KALRN: variants seen among roughly 807,000 people sequenced by gnomAD.
The protein encoded by KALRN is kalirin RhoGEF kinase.
In KALRN, 70 loss-of-function variants were observed where a neutral mutation model predicts 353.7. That is an observed-to-expected ratio of 0.20 (90% CI 0.16 to 0.24). KALRN has a LOEUF of 0.24. KALRN is among the 10% of genes least tolerant of loss of function. The pLI is 1.00. For synonymous variants in KALRN, 1,391 were observed against 1,434.8 expected (o/e 0.97, Z 0.69); for missense variants, 2,791 against 3,756.7 (o/e 0.74, Z 6.72).
intron 9 of KALRN, among the ~76,000 whole-genome samples, chr3:124,336,067 G>A (rs539152035): frequency 6.6e-6 from 1 of 152,218 alleles, no homozygotes; most frequent in South Asian, 2.1e-4. Context: ...CTGAATAGGG[G>A]GATAGTCACT....
intron 34 of KALRN, among the ~76,000 whole-genome samples, chr3:124,607,088 G>T (rs1377661902): frequency 1.3e-5 from 2 of 152,198 alleles, no homozygotes; most frequent in Non-Finnish European, 2.9e-5. Context: ...CCTAAAGAAG[G>T]TCTCCATTTG....
intron 57 of KALRN, among the ~76,000 whole-genome samples, chr3:124,711,979 T>C (rs1291496936): frequency 6.6e-6 from 1 of 152,212 alleles, no homozygotes; most frequent in Non-Finnish European, 1.5e-5. Context: ...TTTAAAATCT[T>C]TTTAATGAGA....
intron 32 of KALRN, among the ~76,000 whole-genome samples, chr3:124,493,337 G>A (rs1451961129): frequency 1.3e-5 from 2 of 152,156 alleles, no homozygotes; most frequent in Non-Finnish European, 2.9e-5. Flanking sequence ...TGGTTTCATT[G>A]CAGGTCTTAC....
intron 10 of KALRN, among the ~76,000 whole-genome samples, chr3:124,364,869 G>A (rs140744745): frequency 1.3e-5 from 2 of 152,302 alleles, no homozygotes; most frequent in East Asian, 3.9e-4. Flanking sequence ...AGACACTTCT[G>A]CTGTGCTCCC....
chr3:124,659,075 GA>G (rs67118806), intron 42 of KALRN, among the ~76,000 whole-genome samples: 18,735 of 152,182 alleles, frequency 0.12, 1,251 homozygotes, highest in African/African-American at 0.16. Context: ...AAGTGGTGGA[GA>G]GAATAAGGCC....
chr3:124,243,406 C>T (rs1463339546), intron 3 of KALRN, among the ~76,000 whole-genome samples: 2 of 152,140 alleles, frequency 1.3e-5, no homozygotes, highest in African/African-American at 4.8e-5. Context: ...CAATCAGAGG[C>T]GGAAACCACT....
rs2063320613 is a variant in KALRN, at chr3:124,492,902, C to T, written c.4832+20C>T. ...TAAGAGGTAACCAGCACCTCTCCCT[C>T]CAGCACTGCCTGCCTCACAGGCTTC... On this transcript the variant is annotated intron_variant, in intron 32 of 59. Coordinates refer to ENST00000682506, the MANE Select transcript of KALRN (RefSeq NM_001388419.1). The T allele has an allele frequency of 6.2e-7, 1 of 1,610,370 alleles. No individual in the cohort carries two copies. The highest frequency in any genetic ancestry group is 1.7e-5 in the Admixed American group (1 of 59,860).
intron 10 of KALRN, among the ~76,000 whole-genome samples, chr3:124,382,866 C>T (rs1154800): frequency 0.045 from 6,916 of 152,174 alleles, 525 homozygotes; most frequent in African/African-American, 0.15. Context: ...GAGGTCTACC[C>T]TTGCCTGTCA....
At chr3:124,046,758 A>G (rs1208107503) in intron 1 of KALRN, among the ~76,000 whole-genome samples, 1 of 152,186 alleles carries the variant, frequency 6.6e-6, no homozygotes, top group Non-Finnish European at 1.5e-5. Flanking sequence ...GGCCTTTTGG[A>G]GGCCCTACTT....
chr3:124,145,975 G>A (rs2067273480), intron 1 of KALRN, among the ~76,000 whole-genome samples: 2 of 152,184 alleles, frequency 1.3e-5, no homozygotes, highest in African/African-American at 2.4e-5. Flanking sequence ...ATCATGGAAA[G>A]GTAAAAGTAA....
At chr3:124,539,232 T>C (rs543961771) in intron 33 of KALRN, among the ~76,000 whole-genome samples, 2 of 152,294 alleles carry the variant, frequency 1.3e-5, no homozygotes, top group African/African-American at 4.8e-5. Context: ...CTTACCACCC[T>C]GTTTCAGGGA....
chr3:124,567,177 G>A (rs1434021774), intron 34 of KALRN, among the ~76,000 whole-genome samples: 2 of 152,198 alleles, frequency 1.3e-5, no homozygotes, highest in Non-Finnish European at 1.5e-5. Context: ...CTGAGGGTCA[G>A]TATTTTTAAG....
In KALRN at chr3:124,667,148, A is replaced by G. The variant is rs758868856; in HGVS notation, c.6668A>G (p.Asn2223Ser). The G allele has an allele frequency of 3.7e-6, 6 of 1,614,052 alleles. No homozygotes were observed. In the African/African-American group the frequency reaches 5.3e-5, roughly 14 times the overall value. Residue 2223 changes from asparagine to serine, a missense_variant, in exon 47 of 60, where the codon AAT (asparagine) becomes AGT (serine). Transcript: ENST00000682506. ...CAGCAGGCCTGGGTGCAGGACATCA[A>G]TCAAGTCTTAGAAACACAGCGAGAC... ...DIQQAWVQDINQVLETQRDFL... is the reference protein window; with the variant it reads ...DIQQAWVQDISQVLETQRDFL...
At chr3:124,499,686 T>C (rs1247451675) in intron 33 of KALRN, among the ~76,000 whole-genome samples, 1 of 152,218 alleles carries the variant, frequency 6.6e-6, no homozygotes, top group African/African-American at 2.4e-5. Flanking sequence ...AATCTAAGGT[T>C]TGGATATTTG....
At chr3:124,535,264 A>G (rs548116391) in intron 33 of KALRN, among the ~76,000 whole-genome samples, 2 of 152,308 alleles carry the variant, frequency 1.3e-5, no homozygotes, top group South Asian at 2.1e-4. Flanking sequence ...GAAAAAGATT[A>G]TGTACAGATA....
chr3:124,416,432 C>A (rs185863632), intron 14 of KALRN, among the ~76,000 whole-genome samples: 1 of 152,374 alleles, frequency 6.6e-6, no homozygotes, highest in African/African-American at 2.4e-5. Flanking sequence ...ATATCCTGTT[C>A]TAGAAATGAG....
intron 34 of KALRN, among the ~76,000 whole-genome samples, chr3:124,606,363 A>T (rs990505622): frequency 6.6e-6 from 1 of 152,186 alleles, no homozygotes. Context: ...TAGAGCCCAA[A>T]ATCTCACATG....
At chr3:124,708,622 C>A (rs1387567913) in intron 57 of KALRN, among the ~76,000 whole-genome samples, 1 of 151,936 alleles carries the variant, frequency 6.6e-6, no homozygotes, top group East Asian at 1.9e-4. Context: ...GACGTAACCC[C>A]AGGGACCTAT....
intron 34 of KALRN, among the ~76,000 whole-genome samples, chr3:124,619,017 A>G (rs907204941): frequency 4.6e-5 from 7 of 152,208 alleles, no homozygotes; most frequent in African/African-American, 1.4e-4. Flanking sequence ...TAGGATACAT[A>G]TAAATAGTTA....
Sources: gnomAD v4.1 joint callset for allele counts (sites outside exome capture counted in the v4.1 genomes callset) on GRCh38, gnomAD v4.1.1 for gene constraint, MANE v1.5 for transcripts, NCBI Gene and HGNC (gene_info 2026-07-23, HGNC 2026-07-21) for gene names.